The following CDH18 variants were observed in gnomAD, a reference collection of about 807,000 sequenced individuals.
CDH18 encodes cadherin 18.
In CDH18, 31 loss-of-function variants were observed where a neutral mutation model predicts 67.9. The observed-to-expected ratio is 0.46, with a 90% CI of 0.34 to 0.62. The LOEUF is 0.62. Among genes scored for constraint, CDH18 ranks in the 20% least tolerant of loss-of-function variants. The probability of loss-of-function intolerance (pLI) is 0.01; values close to 1 mark genes in which losing one functional copy is unlikely to be tolerated. For synonymous variants in CDH18, 362 were observed against 347.2 expected, an observed-to-expected ratio of 1.04 and a Z score of -0.48; for missense variants, 890 against 975.5, an observed-to-expected ratio of 0.91 and a Z score of 1.17.
intron 5 of CDH18, among the ~76,000 whole-genome samples, chr5:19,719,947 A>AAGAAAGAAAGAG (rs1765848429): frequency 6.6e-6 from 1 of 151,436 alleles, no homozygotes; most frequent in African/African-American, 2.4e-5. Context: ...GAAAGAAAGA[A>AAGAAAGAAAGAG]AGAAAGAAAG....
At chr5:19,741,279 G>T (rs550264609) in intron 4 of CDH18, among the ~76,000 whole-genome samples, 1 of 118,732 alleles carries the variant, frequency 8.4e-6, no homozygotes. Context: ...ACATATATAC[G>T]TGTATATATA....
At chr5:20,475,730 A>G (rs56321976) in intron 1 of CDH18, among the ~76,000 whole-genome samples, 1 of 152,278 alleles carries the variant, frequency 6.6e-6, no homozygotes, top group Middle Eastern at 3.4e-3. Flanking sequence ...TAAGATTGCA[A>G]CTAGTTTTCC....
intron 2 of CDH18, among the ~76,000 whole-genome samples, chr5:20,149,737 C>T (rs1172501295): frequency 6.6e-6 from 1 of 152,078 alleles, no homozygotes; most frequent in Admixed American, 6.6e-5. Flanking sequence ...TTTAAAAAGT[C>T]TATTCTGCAA....
intron 2 of CDH18, among the ~76,000 whole-genome samples, chr5:20,112,819 T>G (rs1747592838): frequency 6.6e-6 from 1 of 152,252 alleles, no homozygotes; most frequent in Admixed American, 6.5e-5. Flanking sequence ...CTTTTGTTGT[T>G]AGCTAAAATT....
intron 1 of CDH18, among the ~76,000 whole-genome samples, chr5:20,354,699 AC>A (rs1741465230): frequency 6.6e-6 from 1 of 152,126 alleles, no homozygotes; most frequent in Non-Finnish European, 1.5e-5. Flanking sequence ...GGTGTGAACC[AC>A]CGTGCCTGTC....
intron 5 of CDH18, among the ~76,000 whole-genome samples, chr5:19,670,754 C>T (rs1029818656): frequency 9.2e-5 from 14 of 152,050 alleles, no homozygotes; most frequent in Non-Finnish European, 1.9e-4. Context: ...GGGAACACTG[C>T]AGCACTTCTG....
At position 19,746,968 on chromosome 5, in the gene CDH18, A is replaced by G; in HGVS notation, c.497T>C (p.Val166Ala). Residue 166 changes from valine (V) to alanine (A), a missense_variant, in exon 4 of 13, where the codon GTT (valine) becomes GCT (alanine). Physicochemically the swap from Val to Ala is moderately conservative, Grantham distance 64 (BLOSUM62 0). Transcript: ENST00000382275. ...CATATCTGACATTTCAGGCACAGTA[A>G]CAATGTATGGTCCATCTGTGAATTT... The part of the protein sequence containing the change: ...APKFTDGPYI[V>A]TVPEMSDMGT... 6.2e-7 allele frequency: 1 copy of G among 1,614,052 alleles called. No homozygotes were observed. The highest frequency in any genetic ancestry group is 8.5e-7 in the Non-Finnish European group (1 of 1,179,940).
chr5:19,615,152 G>GA (rs10585212), intron 5 of CDH18, among the ~76,000 whole-genome samples: 6,305 of 144,426 alleles, frequency 0.044, 226 homozygotes, highest in East Asian at 0.21. Flanking sequence ...TCTCAAAAAA[G>GA]AAAAAAAAAA....
chr5:19,579,522 T>C (rs1490280297), intron 7 of CDH18, among the ~76,000 whole-genome samples: 2 of 151,854 alleles, frequency 1.3e-5, no homozygotes, highest in East Asian at 1.9e-4. Flanking sequence ...GTTATCACCA[T>C]ACAATAAACA....
chr5:19,796,390 T>A (rs1419978815), intron 3 of CDH18, among the ~76,000 whole-genome samples: 3 of 152,188 alleles, frequency 2.0e-5, no homozygotes, highest in African/African-American at 7.2e-5. Context: ...ATTTCGCATG[T>A]AACACCATTG....
At chr5:20,367,525 G>A (rs559382119) in intron 1 of CDH18, among the ~76,000 whole-genome samples, 3 of 152,248 alleles carry the variant, frequency 2.0e-5, no homozygotes, top group East Asian at 1.9e-4. Flanking sequence ...TAATATTTGC[G>A]TTGTAGTTTT....
intron 5 of CDH18, among the ~76,000 whole-genome samples, chr5:19,651,392 G>A (rs971343169): frequency 1.3e-5 from 2 of 152,004 alleles, no homozygotes; most frequent in Admixed American, 6.6e-5. Context: ...AGTTCAATAC[G>A]TAGTTCTGAA....
At chr5:20,220,409 G>T (rs977585299) in intron 2 of CDH18, among the ~76,000 whole-genome samples, 1 of 151,918 alleles carries the variant, frequency 6.6e-6, no homozygotes, top group Non-Finnish European at 1.5e-5. Flanking sequence ...AGTGCTGAGA[G>T]AAATGGATAT....
At chr5:19,480,077 T>C (rs979444222) in intron 12 of CDH18, among the ~76,000 whole-genome samples, 2 of 152,082 alleles carry the variant, frequency 1.3e-5, no homozygotes, top group Non-Finnish European at 2.9e-5. Flanking sequence ...AGTTTTATGA[T>C]GATAAACAAG....
chr5:19,868,763 T>A (rs1443395768), intron 2 of CDH18, among the ~76,000 whole-genome samples: 1 of 152,018 alleles, frequency 6.6e-6, no homozygotes, highest in Non-Finnish European at 1.5e-5. Flanking sequence ...TTTACAGAGT[T>A]CAAAAAATAG....
chr5:19,807,209 C>T (rs904871747), intron 3 of CDH18, among the ~76,000 whole-genome samples: 1 of 152,046 alleles, frequency 6.6e-6, no homozygotes, highest in Admixed American at 6.6e-5. Flanking sequence ...GGGAAAATAG[C>T]TAATGTATGC....
At chr5:19,773,240 G>A (rs1444872084) in intron 3 of CDH18, among the ~76,000 whole-genome samples, 1 of 152,074 alleles carries the variant, frequency 6.6e-6, no homozygotes, top group Non-Finnish European at 1.5e-5. Flanking sequence ...ATATCATTCA[G>A]AACAAGATCA....
At chr5:20,518,362 G>A (rs1024201335) in intron 1 of CDH18, among the ~76,000 whole-genome samples, 8 of 152,040 alleles carry the variant, frequency 5.3e-5, no homozygotes, top group Admixed American at 3.3e-4. Context: ...AGCTAGATAA[G>A]GAAACTGGTA....
intron 2 of CDH18, among the ~76,000 whole-genome samples, chr5:20,022,834 C>A (rs1437445424): frequency 2.0e-5 from 3 of 152,092 alleles, no homozygotes; most frequent in African/African-American, 7.2e-5. Flanking sequence ...ATGTAATTGA[C>A]TTGATTTTCC....
Sources: allele counts gnomAD v4.1 joint callset (sites outside exome capture counted in the v4.1 genomes callset), GRCh38; gene constraint gnomAD v4.1.1; transcripts MANE v1.5; gene names NCBI Gene and HGNC (gene_info 2026-07-23, HGNC 2026-07-21).